Variants in SOHLH2 observed in about 807,000 individuals in gnomAD.
SOHLH2 encodes spermatogenesis- and oogenesis-specific basic helix-loop-helix-containing protein 2.
In SOHLH2, 22 loss-of-function variants were observed where a neutral mutation model predicts 50.4. That is an observed-to-expected ratio of 0.44 (90% CI 0.31 to 0.62). The LOEUF (loss-of-function observed/expected upper bound fraction) is 0.62. Ranked by LOEUF, SOHLH2 falls within the 20% of genes least tolerant of loss-of-function variation. The pLI, the probability that SOHLH2 is intolerant of heterozygous loss-of-function variation, is 0.08. For missense variants in SOHLH2, 412 were observed against 504.4 expected (o/e 0.82, Z 1.76); for synonymous variants, 185 against 187.3 (o/e 0.99, Z 0.10).
In SOHLH2 at chr13:36,184,460, C is replaced by CTTTTTTTTTTTTTTT. The variant is rs1229884029; in HGVS notation, c.641+5471_641+5485dup. Among the ~76,000 whole-genome samples, 37 of 121,160 alleles carry CTTTTTTTTTTTTTTT rather than the reference C, an allele frequency of 3.1e-4. 2 individuals are homozygous for CTTTTTTTTTTTTTTT. The highest frequency in any genetic ancestry group is 4.6e-4 in the African/African-American group (15 of 32,348). 79.5% of individuals were successfully genotyped at this position (121,160 alleles called of 152,430 possible). On this transcript the variant is annotated intron_variant, in intron 6 of 10. Transcript: ENST00000379881. ...GATGGAAGTTTCTACCTACAAAGAC[C>CTTTTTTTTTTTTTTT]TTTTTTTTTTTTTTTTTTTGAGACG...
chr13:36,174,825 G>A lies in SOHLH2; in HGVS notation c.686C>T (p.Pro229Leu), dbSNP rs369483625. 6.2e-7 allele frequency: 1 copy of A among 1,606,920 alleles called. No homozygotes were observed. The highest frequency in any genetic ancestry group is 8.5e-7 in the Non-Finnish European group (1 of 1,178,162). The change falls in exon 7 of 11, where the codon CCG (proline) becomes CTG (leucine). Residue 229 changes from proline to leucine, a missense_variant. Pro to Leu is a moderately conservative substitution (Grantham distance 98). Coordinates refer to ENST00000379881, the MANE Select transcript of SOHLH2 (RefSeq NM_017826.3). ...YCCEQLRTLLPYVKGRKNDAA... is the reference protein window; with the variant it reads ...YCCEQLRTLLLYVKGRKNDAA... Reference sequence around the variant, plus strand: ...ATCATTCTTTCTCCCTTTTACATACGGCAAGAGAGTACGCAGCTGCTCACA... The same window carrying A: ...ATCATTCTTTCTCCCTTTTACATACAGCAAGAGAGTACGCAGCTGCTCACA...
intron 1 of SOHLH2, among the ~76,000 whole-genome samples, chr13:36,204,472 G>A (rs1473265003): frequency 1.3e-5 from 2 of 152,004 alleles, no homozygotes; most frequent in Non-Finnish European, 2.9e-5. Flanking sequence ...TGAATATGAG[G>A]TAGGTATCTG....
intron 1 of SOHLH2, among the ~76,000 whole-genome samples, chr13:36,209,459 A>C (rs1167853086): frequency 6.6e-6 from 1 of 152,198 alleles, no homozygotes; most frequent in Non-Finnish European, 1.5e-5. Context: ...AGATCACAGC[A>C]CTGGCAGATT....
At chr13:36,214,051 T>C (rs1427092963) in intron 1 of SOHLH2, among the ~76,000 whole-genome samples, 1 of 152,064 alleles carries the variant, frequency 6.6e-6, no homozygotes, top group Non-Finnish European at 1.5e-5. Context: ...TTTTTTTTTT[T>C]TTTTTTTAGT....
At chr13:36,170,470 G>A in intron 10 of SOHLH2, 61 bp downstream of exon 10, 1 of 1,560,934 alleles carries the variant, frequency 6.4e-7, no homozygotes. Flanking sequence ...ATGCAGGTCA[G>A]GGGTTTCTGC....
At position 36,190,074 on chromosome 13, in the gene SOHLH2, T is replaced by C; in HGVS notation, c.531-18A>G. 6.3e-7 allele frequency: 1 copy of C among 1,588,216 alleles called. No individual in the cohort carries two copies. Among genetic ancestry groups the C allele is most frequent in the Non-Finnish European group, 8.6e-7 (1 of 1,166,804 alleles). On this transcript the variant is annotated intron_variant, in intron 5 of 10. Coordinates refer to ENST00000379881, the MANE Select transcript of SOHLH2 (RefSeq NM_017826.3). ...ATTCAGAGCTAGAAACAAGAGAAAA[T>C]CACACCATACATTAAAGGGGAAAAT...
intron 6 of SOHLH2, among the ~76,000 whole-genome samples, chr13:36,183,746 AAC>A (rs1036601050): frequency 2.6e-5 from 4 of 152,186 alleles, no homozygotes; most frequent in African/African-American, 4.8e-5. Flanking sequence ...AAACCATGCA[AAC>A]ACTAATCACA....
At chr13:36,190,121 A>G in intron 5 of SOHLH2, 65 bp from the exon 6 acceptor site, 1 of 1,444,288 alleles carries the variant, frequency 6.9e-7, no homozygotes, top group Middle Eastern at 1.8e-4. Flanking sequence ...ATTAAATAAT[A>G]CGCACCAATA....
At chr13:36,207,473 G>A (rs1868846097) in intron 1 of SOHLH2, among the ~76,000 whole-genome samples, 1 of 152,012 alleles carries the variant, frequency 6.6e-6, no homozygotes, top group African/African-American at 2.4e-5. Context: ...TGCAGAGAGG[G>A]TATGGTGAGT....
chr13:36,197,537 G>A (rs191170801), intron 2 of SOHLH2, among the ~76,000 whole-genome samples: 4 of 152,190 alleles, frequency 2.6e-5, no homozygotes, highest in South Asian at 2.1e-4. Flanking sequence ...TGAAGCCTGC[G>A]GAAATTTCTA....
At chr13:36,198,658 TTAGCACC>T (rs1181109696) in intron 2 of SOHLH2, among the ~76,000 whole-genome samples, 35 of 152,372 alleles carry the variant, frequency 2.3e-4, no homozygotes, top group Non-Finnish European at 4.1e-4. Flanking sequence ...CAGTGAATGA[TTAGCACC>T]TAGCTTAAAA....
chr13:36,174,374 C>T (rs1887045645), intron 8 of SOHLH2, 102 bp downstream of exon 8: 1 of 1,494,108 alleles, frequency 6.7e-7, no homozygotes, highest in African/African-American at 1.4e-5. Flanking sequence ...TAATAAGCCC[C>T]TGCACTTTCA....
intron 2 of SOHLH2, among the ~76,000 whole-genome samples, chr13:36,194,240 G>T (rs1253410753): frequency 6.6e-6 from 1 of 151,826 alleles, no homozygotes; most frequent in Non-Finnish European, 1.5e-5. Flanking sequence ...TATAATTAAA[G>T]AACAAGACAA....
At chr13:36,172,373 C>T (rs1182487137) in intron 9 of SOHLH2, among the ~76,000 whole-genome samples, 7 of 151,728 alleles carry the variant, frequency 4.6e-5, no homozygotes, top group Non-Finnish European at 4.4e-5. Context: ...ATTTTTTTTT[C>T]TTCTCCTCTC....
intron 1 of SOHLH2, among the ~76,000 whole-genome samples, chr13:36,209,185 A>T (rs760408716): frequency 1.3e-5 from 2 of 151,934 alleles, no homozygotes; most frequent in African/African-American, 2.4e-5. Flanking sequence ...CTTAGTCTTC[A>T]CTCCTTCTAA....
chr13:36,201,048 CAAAAAA>C (rs10660002), intron 2 of SOHLH2, among the ~76,000 whole-genome samples: 1 of 55,962 alleles, frequency 1.8e-5, no homozygotes, highest in Non-Finnish European at 3.2e-5. Context: ...GACTCTGCCT[CAAAAAA>C]AAAAAAAAAA....
chr13:36,202,167 A>G (rs1868459083), intron 1 of SOHLH2, 74 bp from the exon 2 acceptor site: 1 of 1,539,096 alleles, frequency 6.5e-7, no homozygotes, highest in Non-Finnish European at 8.8e-7. Flanking sequence ...ATGAGAGGAT[A>G]AGATAAATAA....
rs1174078209 is a variant in SOHLH2, at chr13:36,181,939, TG to T, written c.642-7071del. 6.9e-6 allele frequency: 5 copies of T among 720,486 alleles called. No homozygotes were observed. The African/African-American group carries it at 9.7e-5, about 14-fold the overall frequency. 44.6% of individuals were successfully genotyped at this position (720,486 alleles called of 1,614,324 possible). On this transcript the variant is annotated intron_variant, in intron 6 of 10. Coordinates refer to ENST00000379881, the MANE Select transcript of SOHLH2 (RefSeq NM_017826.3). ...CATGAAGATAAAGGGAAATAATATC[TG>T]ATGGAAATATGATTTGCACAAACAA...
At chr13:36,199,914 G>A (rs1233227580) in intron 2 of SOHLH2, among the ~76,000 whole-genome samples, 2 of 152,202 alleles carry the variant, frequency 1.3e-5, no homozygotes, top group Non-Finnish European at 2.9e-5. Context: ...ATTGTCTGGG[G>A]CTCTTTCAAA....
Sources: allele counts gnomAD v4.1 joint callset (sites outside exome capture counted in the v4.1 genomes callset), GRCh38; gene constraint gnomAD v4.1.1; transcripts MANE v1.5; gene names NCBI Gene and HGNC (gene_info 2026-07-23, HGNC 2026-07-21).